The following NDUFS4 variants were observed in gnomAD, a reference collection of about 807,000 sequenced individuals.
The protein encoded by NDUFS4 is NADH:ubiquinone oxidoreductase subunit S4.
In NDUFS4, 28 loss-of-function variants were observed where a neutral mutation model predicts 24.3. The ratio of observed to expected loss-of-function variants is 1.15; its 90% CI spans 0.85 to 1.58. NDUFS4 has a LOEUF of 1.58. NDUFS4 is among the 40% of genes most tolerant of loss of function. The pLI is 0.00. For missense variants in NDUFS4, 223 were observed against 207.9 expected (o/e 1.07, Z -0.45); for synonymous variants, 93 against 69.7 (o/e 1.34, Z -1.67).
intron 2 of NDUFS4, among the ~76,000 whole-genome samples, chr5:53,640,721 G>A (rs1751685288): frequency 6.6e-6 from 1 of 152,082 alleles, no homozygotes; most frequent in Non-Finnish European, 1.5e-5. Context: ...CTCCCGTTAG[G>A]CCCCACTTCC....
intron 2 of NDUFS4, among the ~76,000 whole-genome samples, chr5:53,637,426 G>GT (rs1239553192): frequency 2.0e-5 from 3 of 152,168 alleles, no homozygotes; most frequent in African/African-American, 7.2e-5. Context: ...AATATAAGCA[G>GT]TAAATACACA....
At chr5:53,608,655 T>C (rs1235748132) in intron 2 of NDUFS4, among the ~76,000 whole-genome samples, 1 of 152,224 alleles carries the variant, frequency 6.6e-6, no homozygotes, top group Non-Finnish European at 1.5e-5. Context: ...AATCATGAGA[T>C]TGTAGCAATT....
intron 3 of NDUFS4, among the ~76,000 whole-genome samples, chr5:53,649,739 T>G (rs984238880): frequency 5.3e-5 from 8 of 152,234 alleles, no homozygotes; most frequent in African/African-American, 1.7e-4. Context: ...TTTTTAGTTC[T>G]TTGAGAAATC....
chr5:53,598,244 C>T (rs1460150353), intron 1 of NDUFS4, among the ~76,000 whole-genome samples: 1 of 152,188 alleles, frequency 6.6e-6, no homozygotes, highest in Non-Finnish European at 1.5e-5. Flanking sequence ...CAGTTGTGCT[C>T]CTGGGTATTT....
intron 2 of NDUFS4, among the ~76,000 whole-genome samples, chr5:53,641,558 A>G (rs995701196): frequency 6.6e-6 from 1 of 152,126 alleles, no homozygotes; most frequent in African/African-American, 2.4e-5. Context: ...ACAAACAAAC[A>G]AAAGTTGGTT....
At chr5:53,569,355 A>G (rs1232193727) in intron 1 of NDUFS4, among the ~76,000 whole-genome samples, 4 of 152,168 alleles carry the variant, frequency 2.6e-5, no homozygotes, top group Non-Finnish European at 4.4e-5. Context: ...AAAAAATGTG[A>G]AAGTGCTTTG....
chr5:53,597,104 A>C (rs1363045440), intron 1 of NDUFS4, among the ~76,000 whole-genome samples: 1 of 152,142 alleles, frequency 6.6e-6, no homozygotes, highest in East Asian at 1.9e-4. Flanking sequence ...CTCAACTTCC[A>C]CTAGAGGTTT....
chr5:53,664,593 A>G (rs116043507), intron 4 of NDUFS4, among the ~76,000 whole-genome samples: 24,423 of 152,080 alleles, frequency 0.16, 1,957 homozygotes, highest in Middle Eastern at 0.18. Flanking sequence ...ATCTTGCCTC[A>G]CTGATACCCT....
chr5:53,598,092 TACTG>T (rs1283118440), intron 1 of NDUFS4, among the ~76,000 whole-genome samples: 3 of 152,270 alleles, frequency 2.0e-5, no homozygotes, highest in East Asian at 1.9e-4. Flanking sequence ...CAATCCAAAA[TACTG>T]ACCACACCAA....
intron 1 of NDUFS4, among the ~76,000 whole-genome samples, chr5:53,583,542 C>G (rs1749642445): frequency 1.3e-5 from 2 of 151,968 alleles, no homozygotes; most frequent in Non-Finnish European, 2.9e-5. Flanking sequence ...CAGTATAAAC[C>G]CAGACTTTGG....
chr5:53,622,025 A>C (rs192789065), intron 2 of NDUFS4, among the ~76,000 whole-genome samples: 1 of 152,100 alleles, frequency 6.6e-6, no homozygotes, highest in African/African-American at 2.4e-5. Context: ...TGCATTAAAC[A>C]GTTGTCTTTT....
intron 1 of NDUFS4, among the ~76,000 whole-genome samples, chr5:53,571,869 A>G (rs1243068274): frequency 6.6e-6 from 1 of 152,138 alleles, no homozygotes; most frequent in Non-Finnish European, 1.5e-5. Context: ...CCCATTTTTA[A>G]TCATGTTATT....
intron 2 of NDUFS4, 43 bp downstream of exon 2, chr5:53,603,573 G>A (rs1320981795): frequency 6.7e-7 from 1 of 1,488,076 alleles, no homozygotes; most frequent in Admixed American, 1.7e-5. Flanking sequence ...CTGCCTTCAG[G>A]GTTATTTTTG....
chr5:53,580,334 A>C (rs1271757541), intron 1 of NDUFS4, among the ~76,000 whole-genome samples: 1 of 152,260 alleles, frequency 6.6e-6, no homozygotes, highest in Non-Finnish European at 1.5e-5. Flanking sequence ...TTAGGACTCA[A>C]CTAAAGAAAC....
At chr5:53,648,971 A>C (rs559491766) in intron 3 of NDUFS4, among the ~76,000 whole-genome samples, 1 of 152,120 alleles carries the variant, frequency 6.6e-6, no homozygotes, top group East Asian at 1.9e-4. Context: ...TTACAACTCT[A>C]ATCATCCTCT....
chr5:53,601,256 G>A (rs1750313182), intron 1 of NDUFS4, among the ~76,000 whole-genome samples: 1 of 152,098 alleles, frequency 6.6e-6, no homozygotes, highest in African/African-American at 2.4e-5. Context: ...GCCCGCCTCA[G>A]CCTCCCAAAG....
intron 1 of NDUFS4, among the ~76,000 whole-genome samples, chr5:53,587,002 T>A (rs1749779052): frequency 6.6e-6 from 1 of 152,128 alleles, no homozygotes; most frequent in Non-Finnish European, 1.5e-5. Flanking sequence ...TTTTTTTGTT[T>A]TAGTGGAGAC....
chr5:53,642,197 G>A (rs1389597122), intron 2 of NDUFS4, among the ~76,000 whole-genome samples: 1 of 152,140 alleles, frequency 6.6e-6, no homozygotes, highest in Non-Finnish European at 1.5e-5. Flanking sequence ...CATTTTTGTG[G>A]TTTAATAAAG....
At chr5:53,630,666 C>T (rs1441805597) in intron 2 of NDUFS4, among the ~76,000 whole-genome samples, 7 of 152,000 alleles carry the variant, frequency 4.6e-5, no homozygotes, top group South Asian at 2.1e-4. Flanking sequence ...TCAGCTTGAT[C>T]GATTCGGCTA....
Sources: gnomAD v4.1 joint callset for allele counts (sites outside exome capture counted in the v4.1 genomes callset) on GRCh38, gnomAD v4.1.1 for gene constraint, MANE v1.5 for transcripts, NCBI Gene and HGNC (gene_info 2026-07-23, HGNC 2026-07-21) for gene names.